NEK11: variants seen among roughly 807,000 people sequenced by gnomAD.
The protein encoded by NEK11 is NIMA related kinase 11.
In NEK11, 72 loss-of-function variants were observed where a neutral mutation model predicts 80.7. The observed-to-expected ratio is 0.89, with a 90% confidence interval of 0.74 to 1.08. The LOEUF (loss-of-function observed/expected upper bound fraction) is 1.08, where lower values mean the gene tolerates loss of function less well. Ranked by LOEUF, NEK11 falls within the 50% of genes least tolerant of loss-of-function variation. The pLI, the probability that NEK11 is intolerant of heterozygous loss-of-function variation, is 0.00. For missense variants in NEK11, 764 were observed against 763.6 expected (o/e 1.00, Z -0.01); for synonymous variants, 251 against 260.7 (o/e 0.96, Z 0.36).
At chr3:131,054,918 G>C (rs912083660) in intron 3 of NEK11, among the ~76,000 whole-genome samples, 1 of 152,216 alleles carries the variant, frequency 6.6e-6, no homozygotes, top group Non-Finnish European at 1.5e-5. Context: ...CTAAGGTACA[G>C]TTGGGCAGTT....
intron 16 of NEK11, among the ~76,000 whole-genome samples, chr3:131,272,025 G>A (rs931021216): frequency 1.3e-5 from 2 of 150,474 alleles, no homozygotes; most frequent in East Asian, 2.0e-4. Flanking sequence ...ACTTGAACCC[G>A]GGAGGCAGAG....
intron 17 of NEK11, among the ~76,000 whole-genome samples, chr3:131,290,509 A>C (rs899068627): frequency 6.6e-6 from 1 of 152,238 alleles, no homozygotes; most frequent in Non-Finnish European, 1.5e-5. Flanking sequence ...TGCAGCTTAC[A>C]TAAGCCCAGG....
intron 17 of NEK11, among the ~76,000 whole-genome samples, chr3:131,289,239 G>A (rs1190707893): frequency 6.6e-6 from 1 of 152,148 alleles, no homozygotes; most frequent in East Asian, 1.9e-4. Flanking sequence ...GTCTCTGTGA[G>A]TTCAAATTTC....
intron 15 of NEK11, among the ~76,000 whole-genome samples, chr3:131,234,762 G>A (rs2095401164): frequency 6.6e-6 from 1 of 151,578 alleles, no homozygotes; most frequent in South Asian, 2.1e-4. Context: ...ATACAGCACA[G>A]TGGGGTTTGT....
chr3:131,331,969 A>T (rs1389366778), intron 17 of NEK11, among the ~76,000 whole-genome samples: 1 of 152,220 alleles, frequency 6.6e-6, no homozygotes, highest in Admixed American at 6.5e-5. Context: ...GGGAAGCTTG[A>T]GCTGGGTGGA....
intron 7 of NEK11, among the ~76,000 whole-genome samples, chr3:131,146,100 C>T (rs1299717372): frequency 6.6e-6 from 1 of 152,030 alleles, no homozygotes; most frequent in Non-Finnish European, 1.5e-5. Context: ...CCGATATGCC[C>T]AGGCCAGGAG....
At chr3:131,203,767 GTATATATATATATATA>G (rs150951735) in intron 14 of NEK11, among the ~76,000 whole-genome samples, 719 of 53,844 alleles carry the variant, frequency 0.013, 11 homozygotes, top group African/African-American at 0.017. Context: ...GTGTGTGTGT[GTATATATATATATATA>G]TATATATATA....
intron 14 of NEK11, among the ~76,000 whole-genome samples, chr3:131,181,781 G>A (rs2093371987): frequency 6.9e-6 from 1 of 145,492 alleles, no homozygotes; most frequent in South Asian, 2.2e-4. Flanking sequence ...AGATAACTTT[G>A]TGTTATGTTA....
chr3:131,323,563 T>C (rs775944461), intron 17 of NEK11, among the ~76,000 whole-genome samples: 5 of 152,180 alleles, frequency 3.3e-5, no homozygotes, highest in Non-Finnish European at 7.3e-5. Context: ...AATAAACCCA[T>C]TTGTAGTTGC....
intron 16 of NEK11, among the ~76,000 whole-genome samples, chr3:131,246,025 G>A (rs1232061618): frequency 6.6e-6 from 1 of 152,080 alleles, no homozygotes; most frequent in Non-Finnish European, 1.5e-5. Context: ...TGTTGCTTAT[G>A]CTCTTGTAGT....
At chr3:131,076,856 A>G (rs1048615247) in intron 3 of NEK11, among the ~76,000 whole-genome samples, 1 of 152,316 alleles carries the variant, frequency 6.6e-6, no homozygotes, top group Admixed American at 6.5e-5. Flanking sequence ...TTAAAAACTC[A>G]AAAGACATGT....
At chr3:131,238,919 A>G (rs935793508) in intron 15 of NEK11, among the ~76,000 whole-genome samples, 2 of 152,168 alleles carry the variant, frequency 1.3e-5, no homozygotes, top group African/African-American at 4.8e-5. Context: ...TATCTCAATA[A>G]AAATAATGCA....
chr3:131,169,129 C>T (rs960756996), intron 13 of NEK11, among the ~76,000 whole-genome samples, 192 bp downstream of exon 13: 17 of 152,092 alleles, frequency 1.1e-4, no homozygotes, highest in African/African-American at 3.9e-4. Context: ...TAATCAGATG[C>T]AAGAGGCTAA....
rs183899378 is a variant in NEK11 at position 131,041,820 on chromosome 3, C to G, written c.170+11942C>G. Among the ~76,000 whole-genome samples, 6 of 152,222 alleles carry G rather than the reference C, an allele frequency of 3.9e-5. No homozygotes were observed. In the East Asian group the frequency reaches 1.2e-3, roughly 29 times the overall value. On this transcript the variant is annotated intron_variant, in intron 3 of 17. Coordinates refer to ENST00000383366, the MANE Select transcript of NEK11 (RefSeq NM_024800.5). ...AAAGGCGATTCCAGGGCAAGATGGC[C>G]GAATAAGAACAGCTCTGGTCTGCAG... is the stretch of plus-strand genomic sequence containing the variant.
At position 131,319,453 on chromosome 3, in the gene NEK11, A is replaced by G. The variant is rs527282895; in HGVS notation, c.1719-30104A>G. ...GTGATGCAGTTCAGGCTGTCATAGA[A>G]TTATGCCCAGAGTGCCATGGAGACT... On this transcript the variant is annotated intron_variant, in intron 17 of 17. Transcript: ENST00000383366. 3.3e-5 allele frequency among the ~76,000 whole-genome samples: 5 copies of G among 152,288 alleles called. No individual in the cohort carries two copies. The South Asian group carries it at 1.0e-3, about 32-fold the overall frequency.
chr3:131,090,744 G>GA (rs1364578325), intron 4 of NEK11, among the ~76,000 whole-genome samples: 1 of 152,086 alleles, frequency 6.6e-6, no homozygotes, highest in Admixed American at 6.5e-5. Context: ...TAAATCCTTA[G>GA]AAAAAATCAG....
In NEK11 at chr3:131,035,327, T is replaced by C. The variant is rs536808963; in HGVS notation, c.170+5449T>C. Among the ~76,000 whole-genome samples, 16 of 152,280 alleles carry C rather than the reference T, an allele frequency of 1.1e-4. No individual in the cohort carries two copies. In the South Asian group the frequency reaches 3.3e-3, roughly 32 times the overall value. ...TACTGACAACAGAGGGGAGTGGTCT[T>C]AGACCATAAGAGTAAGGGAGGTAGA... On this transcript the variant is annotated intron_variant, in intron 3 of 17. Transcript: ENST00000383366.
At chr3:131,078,705 C>T (rs1398716455) in intron 3 of NEK11, among the ~76,000 whole-genome samples, 2 of 152,070 alleles carry the variant, frequency 1.3e-5, no homozygotes, top group Non-Finnish European at 2.9e-5. Context: ...AAGCTCTTCT[C>T]TCCAATGTGA....
At chr3:131,314,566 A>G (rs760547643) in intron 17 of NEK11, among the ~76,000 whole-genome samples, 2 of 152,148 alleles carry the variant, frequency 1.3e-5, no homozygotes, top group South Asian at 4.1e-4. Context: ...CTGGAAAGCT[A>G]TAATAGGGTT....
Sources: gnomAD v4.1 joint callset for allele counts (sites outside exome capture counted in the v4.1 genomes callset) on GRCh38, gnomAD v4.1.1 for gene constraint, MANE v1.5 for transcripts, NCBI Gene and HGNC (gene_info 2026-07-23, HGNC 2026-07-21) for gene names.